Variants in MBOAT1 observed in about 807,000 individuals in gnomAD.
MBOAT1 encodes the protein membrane bound glycerophospholipid O-acyltransferase 1.
A neutral mutation model predicts 64.4 loss-of-function variants in MBOAT1; 67 were observed. The ratio of observed to expected loss-of-function variants is 1.04; its 90% CI spans 0.85 to 1.27. The LOEUF (loss-of-function observed/expected upper bound fraction) is 1.27. Among genes scored for constraint, MBOAT1 ranks in the 50% most tolerant of loss-of-function variants. MBOAT1 has a pLI of 0.00. For synonymous variants in MBOAT1, 229 were observed against 218.9 expected (o/e 1.05, Z -0.41); for missense variants, 563 against 604.6 (o/e 0.93, Z 0.72).
chr6:20,190,962 T>TC (rs1232787834), intron 1 of MBOAT1, among the ~76,000 whole-genome samples: 6 of 152,162 alleles, frequency 3.9e-5, no homozygotes, highest in African/African-American at 1.4e-4. Flanking sequence ...AAACCTACCT[T>TC]CCTAAAGTTT....
chr6:20,148,467 C>T (rs1761392689), intron 3 of MBOAT1, among the ~76,000 whole-genome samples: 1 of 152,172 alleles, frequency 6.6e-6, no homozygotes, highest in South Asian at 2.1e-4. Flanking sequence ...ATCTTTCCCT[C>T]CTCTTCTCAG....
intron 6 of MBOAT1, among the ~76,000 whole-genome samples, 158 bp from the exon 7 acceptor site, chr6:20,126,858 T>C (rs1324398243): frequency 2.0e-5 from 3 of 152,124 alleles, no homozygotes; most frequent in Non-Finnish European, 4.4e-5. Flanking sequence ...AGAAATCTTG[T>C]GGAAAGGAAA....
At chr6:20,140,430 G>T (rs541993150) in intron 4 of MBOAT1, among the ~76,000 whole-genome samples, 1 of 152,100 alleles carries the variant, frequency 6.6e-6, no homozygotes, top group African/African-American at 2.4e-5. Context: ...TACCTATGAG[G>T]GTTTCCAAAA....
intron 4 of MBOAT1, among the ~76,000 whole-genome samples, chr6:20,136,551 C>T (rs1760998203): frequency 6.6e-6 from 1 of 152,142 alleles, no homozygotes; most frequent in Non-Finnish European, 1.5e-5. Flanking sequence ...ACATATTGGG[C>T]TGGTCAGATG....
intron 3 of MBOAT1, among the ~76,000 whole-genome samples, chr6:20,147,634 G>A (rs376562933): frequency 4.2e-4 from 61 of 146,364 alleles, no homozygotes; most frequent in East Asian, 1.8e-3. Context: ...AGCAAACTCC[G>A]TCTCAAAAAA....
chr6:20,181,964 T>C (rs868814435), intron 1 of MBOAT1, among the ~76,000 whole-genome samples: 26 of 152,216 alleles, frequency 1.7e-4, no homozygotes, highest in African/African-American at 6.0e-4. Flanking sequence ...GGAACAATTA[T>C]GGTTTAAATC....
At chr6:20,189,780 T>A (rs1408504056) in intron 1 of MBOAT1, among the ~76,000 whole-genome samples, 1 of 151,688 alleles carries the variant, frequency 6.6e-6, no homozygotes, top group African/African-American at 2.4e-5. Context: ...TGAGATCACA[T>A]GGCATTTGTC....
rs547472228 is a variant in MBOAT1, at chr6:20,153,917, T to C, written c.100-1148A>G. ...CAAATCAAATTCCAAATACATTAAG[T>C]GGTTTAACCATTCATTAAAACTAGA... On this transcript the variant is annotated intron_variant, in intron 1 of 12. Transcript: ENST00000324607. Among the ~76,000 whole-genome samples the C allele has an allele frequency of 3.2e-4, 49 of 152,380 alleles. 1 individual carries two copies. The South Asian group carries it at 9.9e-3, about 31-fold the overall frequency.
At chr6:20,159,734 T>G (rs1233153242) in intron 1 of MBOAT1, among the ~76,000 whole-genome samples, 2 of 152,166 alleles carry the variant, frequency 1.3e-5, no homozygotes, top group Non-Finnish European at 2.9e-5. Context: ...AATATACATA[T>G]GTATCAAAAC....
At chr6:20,159,409 A>T (rs990338602) in intron 1 of MBOAT1, among the ~76,000 whole-genome samples, 3 of 152,186 alleles carry the variant, frequency 2.0e-5, no homozygotes, top group African/African-American at 7.2e-5. Context: ...ATGGATTTTT[A>T]AAATGTAGTA....
chr6:20,103,440 T>C (rs942052408), intron 12 of MBOAT1, among the ~76,000 whole-genome samples: 4 of 152,168 alleles, frequency 2.6e-5, no homozygotes, highest in Non-Finnish European at 5.9e-5. Context: ...TGTTTGTTTG[T>C]TTGTTGTTGA....
intron 1 of MBOAT1, among the ~76,000 whole-genome samples, chr6:20,190,650 T>C (rs1762777168): frequency 2.0e-5 from 3 of 151,912 alleles, no homozygotes; most frequent in Non-Finnish European, 4.4e-5. Context: ...CTCTACTGCT[T>C]CACATTTAGG....
intron 8 of MBOAT1, among the ~76,000 whole-genome samples, chr6:20,119,051 G>T (rs1414706731): frequency 1.3e-5 from 2 of 152,158 alleles, no homozygotes; most frequent in Non-Finnish European, 2.9e-5. Flanking sequence ...AAGAGTGATT[G>T]GAGCTCTTTG....
chr6:20,212,010 CAACT>C (rs2062087464), intron 1 of MBOAT1, 122 bp downstream of exon 1: 1 of 585,830 alleles, frequency 1.7e-6, no homozygotes, highest in Non-Finnish European at 2.9e-6. Flanking sequence ...ACACAAAAAC[CAACT>C]GTCTAGTGTG....
intron 3 of MBOAT1, among the ~76,000 whole-genome samples, chr6:20,150,638 C>T (rs1256519628): frequency 1.3e-5 from 2 of 150,252 alleles, no homozygotes; most frequent in East Asian, 3.9e-4. Flanking sequence ...TCTTGGCCCA[C>T]TGCAACCTCT....
intron 3 of MBOAT1, among the ~76,000 whole-genome samples, chr6:20,149,920 C>T (rs1278268451): frequency 2.6e-5 from 4 of 152,136 alleles, no homozygotes; most frequent in Admixed American, 2.0e-4. Context: ...CATAAAAGGA[C>T]AAATATCTTT....
intron 1 of MBOAT1, among the ~76,000 whole-genome samples, chr6:20,156,843 A>G (rs1359936379): frequency 6.6e-6 from 1 of 152,224 alleles, no homozygotes; most frequent in Non-Finnish European, 1.5e-5. Flanking sequence ...TGGGCTGAGC[A>G]ATGGCAACAA....
intron 1 of MBOAT1, among the ~76,000 whole-genome samples, chr6:20,164,174 T>TGC (rs370541794): frequency 6.8e-6 from 1 of 147,478 alleles, no homozygotes; most frequent in Non-Finnish European, 1.5e-5. Context: ...TATGTGCATG[T>TGC]ACACACACAC....
intron 1 of MBOAT1, among the ~76,000 whole-genome samples, chr6:20,162,936 C>T (rs555378245): frequency 3.6e-4 from 55 of 152,294 alleles, no homozygotes; most frequent in African/African-American, 1.2e-3. Context: ...GGGATAATCC[C>T]TCCTTTAATG....
Sources: allele counts gnomAD v4.1 joint callset (sites outside exome capture counted in the v4.1 genomes callset), GRCh38; gene constraint gnomAD v4.1.1; transcripts MANE v1.5; gene names NCBI Gene and HGNC (gene_info 2026-07-23, HGNC 2026-07-21).